Variants in DIS3 observed in about 807,000 individuals in gnomAD.
DIS3 encodes the protein DIS3 exosome endoribonuclease and 3'-5' exoribonuclease, also known as exosome complex exonuclease RRP44.
In DIS3, 103 loss-of-function variants were observed where a neutral mutation model predicts 113.0. That is an observed-to-expected ratio of 0.91 (90% confidence interval 0.78 to 1.07). The LOEUF (loss-of-function observed/expected upper bound fraction) is 1.07. DIS3 is among the 50% of genes least tolerant of loss of function. The pLI, the probability that DIS3 is intolerant of heterozygous loss-of-function variation, is 0.00. For missense variants in DIS3, 1,121 were observed against 1,167.1 expected, an observed-to-expected ratio of 0.96 and a Z score of 0.58; for synonymous variants, 402 against 394.3, an observed-to-expected ratio of 1.02 and a Z score of -0.23.
chr13:72,753,822 G>T lies in DIS3; in HGVS notation c.*5973C>A, dbSNP rs745444058. On this transcript the variant is annotated 3_prime_UTR_variant, in exon 21 of 21. Coordinates refer to ENST00000377767, the MANE Select transcript of DIS3 (RefSeq NM_014953.5). The stretch of plus-strand genomic sequence containing the variant: ...TAAATCTCAAGCATTTAATATGAAG[G>T]TACGGAGAAAATATAGTGAAAGCTT... The T allele has an allele frequency of 1.4e-5, 22 of 1,610,596 alleles. No homozygotes were observed. The highest frequency in any genetic ancestry group is 1.8e-5 in the Non-Finnish European group (21 of 1,177,748).
rs1456506724 is a variant in DIS3 at position 72,763,722 on chromosome 13, T to C, written c.1971-115A>G. ...GAAGATAATAAGAGCATTTCCTATG[T>C]AAACATTCATATGTGTGTGTACATT... On this transcript the variant is annotated intron_variant, in intron 15 of 20. Transcript: ENST00000377767. The C allele has an allele frequency of 9.3e-5, 91 of 979,232 alleles. 1 individual carries two copies. The highest frequency in any genetic ancestry group is 3.0e-5 in the Admixed American group (1 of 33,896). The allele number at this position is 979,232 out of a possible 1,614,324, so 60.7% of individuals were successfully genotyped here.
In DIS3 at chr13:72,778,252, A is replaced by G; in HGVS notation, c.515T>C (p.Ile172Thr). Residue 172 changes from isoleucine (I) to threonine (T), a missense_variant, in exon 3 of 21, where the codon ATC becomes ACC. Physicochemically the swap from Ile to Thr is moderately conservative, Grantham distance 89 (BLOSUM62 -1). This residue lies in a region of DIS3 where 254 missense variants were observed against 232.2 expected (regional missense o/e 1.09). Transcript: ENST00000377767. The part of the protein sequence containing the change: ...KMSADNQLQV[I>T]FITNDRRNKE... ...GTTTCTCCTGTCATTTGTTATGAAGATAACTTGCAGCTGGTTGTCTGCTGA... is the reference window on the plus strand; with the variant it reads ...GTTTCTCCTGTCATTTGTTATGAAGGTAACTTGCAGCTGGTTGTCTGCTGA... The G allele has an allele frequency of 6.2e-7, 1 of 1,609,076 alleles. No homozygotes were observed. Among genetic ancestry groups the G allele is most frequent in the Non-Finnish European group, 8.5e-7 (1 of 1,176,248 alleles).
rs1194215601 is a variant in DIS3 at position 72,752,577 on chromosome 13, C to T, written c.*7218G>A. 1 of 152,198 alleles carries T rather than the reference C, an allele frequency of 6.6e-6. No individual in the cohort carries two copies. The highest frequency in any genetic ancestry group is 2.1e-4 in the South Asian group (1 of 4,832). 9.4% of individuals were successfully genotyped at this position (152,198 alleles called of 1,614,324 possible). A position where few individuals can be genotyped will look rare whatever the true frequency, so the allele number is the denominator to read the frequency against. On this transcript the variant is annotated 3_prime_UTR_variant, in exon 21 of 21. Transcript: ENST00000377767. ...CAGTGATGAATATTAGAAGGAAGAGCTATTGGCAGAATCTCTGGGAGCAAT... is the reference window on the plus strand; with the variant it reads ...CAGTGATGAATATTAGAAGGAAGAGTTATTGGCAGAATCTCTGGGAGCAAT...
In DIS3 at chr13:72,771,873, C is replaced by G. The variant is rs1395891385; in HGVS notation, c.1527G>C (p.Val509=). The part of the protein sequence containing the change: ...NLEVGVHIAD[V]SHFIRPGNAL... ...CATTTCCTGGCCTAATAAAATGGCTCACATCAGCAATATGAACACCAACCT... is the reference window on the plus strand; with the variant it reads ...CATTTCCTGGCCTAATAAAATGGCTGACATCAGCAATATGAACACCAACCT... Residue 509 remains valine, a synonymous_variant, in exon 11 of 21, where the codon GTG becomes GTC. Transcript: ENST00000377767. 1 of 1,613,492 alleles carries G rather than the reference C, an allele frequency of 6.2e-7. No homozygotes were observed. Among genetic ancestry groups the G allele is most frequent in the East Asian group, 2.2e-5 (1 of 44,832 alleles).
At chr13:72,773,411 G>A (rs2033932250) in intron 8 of DIS3, among the ~76,000 whole-genome samples, 1 of 152,084 alleles carries the variant, frequency 6.6e-6, no homozygotes, top group African/African-American at 2.4e-5. Context: ...GCAGTGGGCC[G>A]AAATCACAGA....
chr13:72,781,755 T>C lies in DIS3; in HGVS notation c.78A>G (p.Arg26=). The C allele has an allele frequency of 6.2e-7, 1 of 1,600,704 alleles. No individual in the cohort carries two copies. Among genetic ancestry groups the C allele is most frequent in the Non-Finnish European group, 8.5e-7 (1 of 1,174,190 alleles). The change falls in exon 1 of 21, where the codon CGA becomes CGG. Residue 26 remains arginine (R), a synonymous_variant. Coordinates refer to ENST00000377767, the MANE Select transcript of DIS3 (RefSeq NM_014953.5). ...CGGGCGCACCGCAGCCGATGTCGTC[T>C]CGCAGGTAGTGCTCGCGCACGATCT... is the stretch of plus-strand genomic sequence containing the variant. ...VMKIVREHYL[R]DDIGCGAPGC...
intron 16 of DIS3, 26 bp from the exon 17 acceptor site, chr13:72,762,163 A>C: frequency 6.3e-7 from 1 of 1,577,064 alleles, no homozygotes. Flanking sequence ...AGGGAAGAGC[A>C]CCATATTAAA....
In DIS3 at chr13:72,752,855, T is replaced by C. The variant is rs577959024; in HGVS notation, c.*6940A>G. 6.6e-6 allele frequency: 1 copy of C among 152,340 alleles called. No individual in the cohort carries two copies. The highest frequency in any genetic ancestry group is 2.4e-5 in the African/African-American group (1 of 41,578). 9.4% of individuals were successfully genotyped at this position (152,340 alleles called of 1,614,324 possible). A position where few individuals can be genotyped will look rare whatever the true frequency, so the allele number is the denominator to read the frequency against. ...CAGTCAGCTTTTTCCTTCCCTCTGA[T>C]CCTAACTTGCAGGGAGGGCTTAAAT... is the stretch of plus-strand genomic sequence containing the variant. On this transcript the variant is annotated 3_prime_UTR_variant, in exon 21 of 21. Coordinates refer to ENST00000377767, the MANE Select transcript of DIS3 (RefSeq NM_014953.5).
chr13:72,768,686 G>A (rs2033811541), intron 14 of DIS3, 99 bp downstream of exon 14: 4 of 861,044 alleles, frequency 4.6e-6, no homozygotes, highest in South Asian at 2.4e-5. Flanking sequence ...GAAGAAACAG[G>A]AGTCTCTATT....
intron 16 of DIS3, among the ~76,000 whole-genome samples, chr13:72,762,460 G>A (rs1320246533): frequency 6.6e-6 from 1 of 152,206 alleles, no homozygotes; most frequent in Admixed American, 6.5e-5. Flanking sequence ...TGGAGCAGAG[G>A]AGTGAGAAGC....
intron 6 of DIS3, 47 bp from the exon 7 acceptor site, chr13:72,774,106 A>T: frequency 7.5e-7 from 1 of 1,326,910 alleles, no homozygotes. Context: ...TCTAAGTATT[A>T]TCAGGCAATT....
intron 2 of DIS3, 141 bp from the exon 3 acceptor site, chr13:72,778,521 C>A (rs1233544016): frequency 1.9e-6 from 1 of 515,234 alleles, no homozygotes; most frequent in Non-Finnish European, 3.1e-6. Context: ...CAGATGTACA[C>A]CTCAGAGAAG....
chr13:72,777,160 CATT>C (rs1375214589), intron 4 of DIS3, among the ~76,000 whole-genome samples: 4 of 152,196 alleles, frequency 2.6e-5, no homozygotes, highest in African/African-American at 9.7e-5. Context: ...GGACTCCGTT[CATT>C]TTTTCCTCAA....
intron 7 of DIS3, 51 bp from the exon 8 acceptor site, chr13:72,773,872 A>C (rs370672816): frequency 5.0e-6 from 8 of 1,596,084 alleles, no homozygotes; most frequent in Admixed American, 3.6e-5. Flanking sequence ...CTGAGGATGG[A>C]GGCAAAAGAA....
rs1009524604 is a variant in DIS3, at chr13:72,768,695, T to A, written c.1883+90A>T. On this transcript the variant is annotated intron_variant, in intron 14 of 20. Coordinates refer to ENST00000377767, the MANE Select transcript of DIS3 (RefSeq NM_014953.5). ...AAGCTAGAAGAAACAGGAGTCTCTA[T>A]TCACCCTTTTAAATAATTCATCATT... 5.9e-6 allele frequency: 6 copies of A among 1,011,186 alleles called. No individual in the cohort carries two copies. In the East Asian group the frequency reaches 1.6e-4, roughly 27 times the overall value. The allele number at this position is 1,011,186 out of a possible 1,614,324, so 62.6% of individuals were successfully genotyped here.
At chr13:72,778,652 A>G (rs549625226) in intron 2 of DIS3, among the ~76,000 whole-genome samples, 2 of 152,342 alleles carry the variant, frequency 1.3e-5, no homozygotes, top group East Asian at 3.9e-4. Context: ...AGAAAAATTC[A>G]AGATCAGAAT....
intron 15 of DIS3, 42 bp downstream of exon 15, chr13:72,765,930 A>G (rs1454415461): frequency 7.0e-7 from 1 of 1,427,028 alleles, no homozygotes; most frequent in Admixed American, 2.1e-5. Flanking sequence ...GACAATTAAA[A>G]TAAAAAAATC....
At chr13:72,770,682 T>A (rs1438043471) in intron 13 of DIS3, among the ~76,000 whole-genome samples, 1 of 152,208 alleles carries the variant, frequency 6.6e-6, no homozygotes, top group Non-Finnish European at 1.5e-5. Flanking sequence ...GGGACTTTTT[T>A]AGACTATGTT....
chr13:72,769,953 A>C (rs2033846086), intron 13 of DIS3, among the ~76,000 whole-genome samples: 1 of 152,170 alleles, frequency 6.6e-6, no homozygotes. Context: ...TTTTTGGGAG[A>C]AGTACAAAGA....
Sources: gnomAD v4.1 joint callset for allele counts (sites outside exome capture counted in the v4.1 genomes callset) on GRCh38, gnomAD v4.1.1 for gene constraint, gnomAD v4.1.1 regional missense constraint, MANE v1.5 for transcripts, NCBI Gene and HGNC (gene_info 2026-07-23, HGNC 2026-07-21) for gene names.